The following AHDC1 variants were observed in gnomAD, a reference collection of about 807,000 sequenced individuals.
AHDC1 encodes transcription factor Gibbin.
AHDC1 carries 7 observed loss-of-function variants against 87.9 expected under a neutral mutation model. That is an observed-to-expected ratio of 0.08 (90% CI 0.05 to 0.15). AHDC1 has a LOEUF of 0.15. Among genes scored for constraint, AHDC1 ranks in the 10% least tolerant of loss-of-function variants. AHDC1 has a pLI of 1.00. For synonymous variants in AHDC1, 1,051 were observed against 1,006.8 expected (o/e 1.04, Z -0.83); for missense variants, 1,841 against 2,253.2 (o/e 0.82, Z 3.70).
chr1:27,564,618 A>G (rs1224603266), intron 3 of AHDC1, among the ~76,000 whole-genome samples: 1 of 152,152 alleles, frequency 6.6e-6, no homozygotes, highest in Non-Finnish European at 1.5e-5. Context: ...CCCCACCTGG[A>G]GCTGTTTCTT....
Position 27,548,744 on chromosome 1 carries a change from A to G in AHDC1, c.3372T>C (p.Phe1124=). 6.2e-7 allele frequency: 1 copy of G among 1,613,252 alleles called. No homozygotes were observed. Among genetic ancestry groups the G allele is most frequent in the South Asian group, 1.1e-5 (1 of 91,082 alleles). Reference sequence around the variant, plus strand: ...CAAAACTGGGATTGTAGAGCTGACTAAAGGCCTCTGAGGCCCAGTCCAGGC... The same window carrying G: ...CAAAACTGGGATTGTAGAGCTGACTGAAGGCCTCTGAGGCCCAGTCCAGGC... The part of the protein sequence containing the change: ...YGGLDWASEA[F]SQLYNPSFDC... The change falls in exon 8 of 9, where the codon TTT becomes TTC. Residue 1124 remains phenylalanine, a synonymous_variant. Transcript: ENST00000673934.
rs1571238512 is a variant in AHDC1, at chr1:27,550,358, T to C, written c.1758A>G (p.Lys586=). 1 of 1,613,972 alleles carries C rather than the reference T, an allele frequency of 6.2e-7. No homozygotes were observed. Among genetic ancestry groups the C allele is most frequent in the East Asian group, 2.2e-5 (1 of 44,884 alleles). ...AATMAMPEVK[K]RRRRKQKLAS... The stretch of plus-strand genomic sequence containing the variant: ...CCAGCTTCTGCTTCCGCCGCCGTCG[T>C]TTTTTTACCTCTGGCATGGCCATGG... The change falls in exon 8 of 9, where the codon AAA becomes AAG. Residue 586 remains lysine, a synonymous_variant. Transcript: ENST00000673934.
intron 3 of AHDC1, among the ~76,000 whole-genome samples, chr1:27,566,524 G>C (rs947353440): frequency 2.0e-5 from 3 of 151,846 alleles, no homozygotes; most frequent in Admixed American, 2.0e-4. Flanking sequence ...AGCGACCCGG[G>C]AGCTGGAGAC....
chr1:27,546,185 C>T (rs1253318931), intron 8 of AHDC1, among the ~76,000 whole-genome samples: 2 of 152,206 alleles, frequency 1.3e-5, no homozygotes, highest in Non-Finnish European at 2.9e-5. Context: ...CCATCACCAA[C>T]CACCACATCT....
At chr1:27,584,644 T>C (rs1232169011) in intron 3 of AHDC1, among the ~76,000 whole-genome samples, 2 of 152,142 alleles carry the variant, frequency 1.3e-5, no homozygotes, top group Non-Finnish European at 2.9e-5. Context: ...GCCAGCACTG[T>C]AGCGGGGTGA....
rs1164050021 is a variant in AHDC1, at chr1:27,562,008, G to C, written c.-628-3125C>G. Among the ~76,000 whole-genome samples, 1 of 152,112 alleles carries C rather than the reference G, an allele frequency of 6.6e-6. No homozygotes were observed. Among genetic ancestry groups the C allele is most frequent in the Non-Finnish European group, 1.5e-5 (1 of 68,008 alleles). On this transcript the variant is annotated intron_variant, in intron 3 of 8. Coordinates refer to ENST00000673934, the MANE Select transcript of AHDC1 (RefSeq NM_001371928.1). This position sits in a 1 kb window ranked among gnomAD's most constrained non-coding sequence, Gnocchi z 4.4. ...GACCAAGGAAGAGCCCCAGAGGGGA[G>C]AGAGGCACGGGGGAAGCGAGCCAGG... is the stretch of plus-strand genomic sequence containing the variant.
intron 3 of AHDC1, among the ~76,000 whole-genome samples, chr1:27,571,610 AG>A (rs908845861): frequency 1.9e-4 from 28 of 150,966 alleles, no homozygotes; most frequent in African/African-American, 5.6e-4. Context: ...CCAGCCAAGG[AG>A]GGGGGGGTGG....
Position 27,551,044 on chromosome 1 carries a change from G to C in AHDC1, c.1072C>G (p.Pro358Ala). The part of the protein sequence containing the change: ...LEPQQPLGHC[P>A]LAEPLRLDLC... ...TCCAGGCGCAAGGGCTCGGCCAGTGGGCAGTGCCCCAGGGGCTGCTGGGGC... is the reference window on the plus strand; with the variant it reads ...TCCAGGCGCAAGGGCTCGGCCAGTGCGCAGTGCCCCAGGGGCTGCTGGGGC... The change falls in exon 8 of 9, where the codon CCA (proline) becomes GCA (alanine). Residue 358 changes from proline to alanine, a missense_variant. Around this residue, in one of 13 missense-constraint regions of AHDC1, gnomAD observed 370 missense variants for 391.5 expected, o/e 0.95. Coordinates refer to ENST00000673934, the MANE Select transcript of AHDC1 (RefSeq NM_001371928.1). 1 of 1,558,762 alleles carries C rather than the reference G, an allele frequency of 6.4e-7. No individual in the cohort carries two copies. Among genetic ancestry groups the C allele is most frequent in the Non-Finnish European group, 8.7e-7 (1 of 1,155,372 alleles).
At chr1:27,567,812 G>T (rs2020390740) in intron 3 of AHDC1, among the ~76,000 whole-genome samples, 1 of 152,230 alleles carries the variant, frequency 6.6e-6, no homozygotes, top group Admixed American at 6.5e-5. Flanking sequence ...CTTCACAGAA[G>T]TTGGGGTTCT....
chr1:27,558,860 G>T lies in AHDC1; in HGVS notation c.-605C>A. On this transcript the variant is annotated 5_prime_UTR_variant, in exon 4 of 9. Coordinates refer to ENST00000673934, the MANE Select transcript of AHDC1 (RefSeq NM_001371928.1). The surrounding 1 kb of genome is among the most constrained non-coding windows in gnomAD (Gnocchi z 5.6). ...TGGGCTCTGGGGTCCAGGCCGATGG[G>T]TTGACAATCAGGCAAGCTCCCATCT... The T allele has an allele frequency of 2.5e-6, 1 of 398,708 alleles. No individual in the cohort carries two copies. The highest frequency in any genetic ancestry group is 4.4e-6 in the Non-Finnish European group (1 of 226,118). The allele number at this position is 398,708 out of a possible 1,614,324, so 24.7% of individuals were successfully genotyped here.
chr1:27,556,078 G>C (rs1243050427), intron 5 of AHDC1, among the ~76,000 whole-genome samples: 1 of 152,186 alleles, frequency 6.6e-6, no homozygotes, highest in Admixed American at 6.5e-5. Context: ...GTCTGAGCTT[G>C]CCCATAGGGA....
rs574791727 is a variant in AHDC1, at chr1:27,551,090, G to A, written c.1026C>T (p.Asp342=). ...QALDPLPKLL[D]VPGRRLEPQQ... ...GGGGCTCCAGACGGCGACCTGGGAC[G>A]TCAAGCAGCTTGGGCAGGGGGTCGA... is the stretch of plus-strand genomic sequence containing the variant. The change falls in exon 8 of 9, where the codon GAC becomes GAT. Residue 342 remains aspartate, a synonymous_variant. Coordinates refer to ENST00000673934, the MANE Select transcript of AHDC1 (RefSeq NM_001371928.1). 19 of 1,569,380 alleles carry A rather than the reference G, an allele frequency of 1.2e-5. No homozygotes were observed. The highest frequency in any genetic ancestry group is 1.7e-4 in the Middle Eastern group (1 of 5,912).
Position 27,551,475 on chromosome 1 carries a change from T to C in AHDC1, c.641A>G (p.His214Arg). The C allele has an allele frequency of 6.2e-7, 1 of 1,609,286 alleles. No individual in the cohort carries two copies. The highest frequency in any genetic ancestry group is 8.5e-7 in the Non-Finnish European group (1 of 1,178,268). ...PRDSPQPGQG[H>R]SPGATAAATG... is the part of the protein sequence containing the mutation. The stretch of plus-strand genomic sequence containing the variant: ...GGCCGCAGCCGTGGCTCCGGGACTA[T>C]GGCCTTGGCCAGGCTGGGGACTGTC... Residue 214 changes from histidine to arginine, a missense_variant, in exon 8 of 9, where the codon CAT (histidine) becomes CGT (arginine). By Grantham distance (29) the His-to-Arg change is conservative. This residue lies in a region of AHDC1 where 370 missense variants were observed against 391.5 expected (regional missense o/e 0.95). Coordinates refer to ENST00000673934, the MANE Select transcript of AHDC1 (RefSeq NM_001371928.1).
At chr1:27,594,840 G>A (rs912527690) in intron 3 of AHDC1, among the ~76,000 whole-genome samples, 2 of 152,158 alleles carry the variant, frequency 1.3e-5, no homozygotes, top group Non-Finnish European at 2.9e-5. Flanking sequence ...ACAGGGTGCC[G>A]TGGGGTGCAG....
Position 27,560,158 on chromosome 1 carries a change from A to T in AHDC1, c.-628-1275T>A, listed in dbSNP as rs990048819. Among the ~76,000 whole-genome samples, 1 of 151,920 alleles carries T rather than the reference A, an allele frequency of 6.6e-6. No homozygotes were observed. The highest frequency in any genetic ancestry group is 2.4e-5 in the African/African-American group (1 of 41,312). Reference sequence around the variant, plus strand: ...GCCTGGATTTGGTGTCTTCAGTCATACATGTGGGTATGTGCACTTTTCACG... The same window carrying T: ...GCCTGGATTTGGTGTCTTCAGTCATTCATGTGGGTATGTGCACTTTTCACG... On this transcript the variant is annotated intron_variant, in intron 3 of 8. Transcript: ENST00000673934. This position sits in a 1 kb window ranked among gnomAD's most constrained non-coding sequence, Gnocchi z 4.1.
At chr1:27,566,608 A>AGAGGGG (rs1459906707) in intron 3 of AHDC1, among the ~76,000 whole-genome samples, 2 of 139,896 alleles carry the variant, frequency 1.4e-5, no homozygotes, top group Non-Finnish European at 3.1e-5. Context: ...TGGGGTGGGA[A>AGAGGGG]GAGGGGGTGA....
intron 8 of AHDC1, among the ~76,000 whole-genome samples, chr1:27,541,599 A>G (rs2018921616): frequency 6.9e-6 from 1 of 145,766 alleles, no homozygotes; most frequent in African/African-American, 2.6e-5. Flanking sequence ...AATTACAGGC[A>G]TCAGCCACTG....
chr1:27,593,667 C>A lies in AHDC1; in HGVS notation c.-629+9730G>T, dbSNP rs1204824402. Among the ~76,000 whole-genome samples, 1 of 152,224 alleles carries A rather than the reference C, an allele frequency of 6.6e-6. No homozygotes were observed. Among genetic ancestry groups the A allele is most frequent in the African/African-American group, 2.4e-5 (1 of 41,452 alleles). On this transcript the variant is annotated intron_variant, in intron 3 of 8. Coordinates refer to ENST00000673934, the MANE Select transcript of AHDC1 (RefSeq NM_001371928.1). The surrounding 1 kb of genome is among the most constrained non-coding windows in gnomAD (Gnocchi z 4.9). ...GCATGCCTGCCCATGGGCTTTGCTG[C>A]CAGAACCTGGCTGCCCCACCTCTGC...
chr1:27,602,896 G>A (rs1313674122), intron 3 of AHDC1, among the ~76,000 whole-genome samples: 2 of 151,550 alleles, frequency 1.3e-5, no homozygotes, highest in Non-Finnish European at 2.9e-5. Flanking sequence ...GGGTTGGAGG[G>A]GAGGGGCTCC....
Sources: allele counts gnomAD v4.1 joint callset (sites outside exome capture counted in the v4.1 genomes callset), GRCh38; gene constraint gnomAD v4.1.1; regional missense constraint gnomAD v4.1.1; non-coding constraint Gnocchi (gnomAD v3.1); transcripts MANE v1.5; gene names NCBI Gene and HGNC (gene_info 2026-07-23, HGNC 2026-07-21).